URB1: variants seen among roughly 807,000 people sequenced by gnomAD.
URB1 encodes nucleolar pre-ribosomal-associated protein 1.
A neutral mutation model predicts 242.3 loss-of-function variants in URB1; 197 were observed. That is an observed-to-expected ratio of 0.81 (90% CI 0.72 to 0.91). The LOEUF (loss-of-function observed/expected upper bound fraction) is 0.91. Among genes scored for constraint, URB1 ranks in the 40% least tolerant of loss-of-function variants. The pLI, the probability that URB1 is intolerant of heterozygous loss-of-function variation, is 0.00. For missense variants in URB1, 2,721 were observed against 2,860.5 expected (o/e 0.95, Z 1.11); for synonymous variants, 1,153 against 1,201.8 (o/e 0.96, Z 0.84).
Position 32,319,344 on chromosome 21 carries a change from C to G in URB1, c.5665G>C (p.Asp1889His). The G allele has an allele frequency of 6.4e-7, 1 of 1,551,174 alleles. No homozygotes were observed. Among genetic ancestry groups the G allele is most frequent in the Admixed American group, 2.0e-5 (1 of 50,912 alleles). Residue 1889 changes from aspartate (D) to histidine (H), a missense_variant, in exon 36 of 39, where the codon GAC becomes CAC. Coordinates refer to ENST00000382751, the MANE Select transcript of URB1 (RefSeq NM_014825.3). ...TGGCTCTCCCACTCCACTGCCTTGT[C>G]CCCCAGGTTGGTCACCCACAGTGTG... ...LHTLWVTNLG[D>H]KAVEWESQRL...
intron 32 of URB1, among the ~76,000 whole-genome samples, chr21:32,323,683 G>A (rs1446467124): frequency 3.3e-5 from 5 of 152,258 alleles, no homozygotes; most frequent in South Asian, 2.1e-4. Flanking sequence ...GTTAGTGTGC[G>A]TGATCTAGGC....
rs376580758 is a variant in URB1 at position 32,368,257 on chromosome 21, C to T, written c.1197+146G>A. On this transcript the variant is annotated intron_variant, in intron 9 of 38. Transcript: ENST00000382751. Reference sequence around the variant, plus strand: ...TAATTTTTGTATTTTTAGTAAGAGACAGGTTTCGTCACGTTGGCCAGGCTG... The same window carrying T: ...TAATTTTTGTATTTTTAGTAAGAGATAGGTTTCGTCACGTTGGCCAGGCTG... 1,071 of 482,076 alleles carry T rather than the reference C, an allele frequency of 2.2e-3. 12 individuals are homozygous for T. In the African/African-American group the frequency reaches 0.035, roughly 16 times the overall value. 29.9% of individuals were successfully genotyped at this position (482,076 alleles called of 1,614,324 possible). A position where few individuals can be genotyped will look rare whatever the true frequency, so the allele number is the denominator to read the frequency against.
At chr21:32,368,379 C>A in intron 9 of URB1, 24 bp downstream of exon 9, 2 of 1,514,270 alleles carry the variant, frequency 1.3e-6, no homozygotes, top group Non-Finnish European at 1.8e-6. Context: ...AGCTAACAGA[C>A]TTTTAAATAT....
chr21:32,311,872 C>T lies in URB1; in HGVS notation c.*3046G>A. On this transcript the variant is annotated 3_prime_UTR_variant, in exon 39 of 39. Transcript: ENST00000382751. ...CGACAGGAGAGCTCCTCCACCTTGCCCCTCGGGGGTTTCCAGACCCACCCC... is the reference window on the plus strand; with the variant it reads ...CGACAGGAGAGCTCCTCCACCTTGCTCCTCGGGGGTTTCCAGACCCACCCC... The T allele has an allele frequency of 6.2e-7, 1 of 1,614,120 alleles. No individual in the cohort carries two copies. The highest frequency in any genetic ancestry group is 1.7e-5 in the Admixed American group (1 of 60,032).
chr21:32,389,752 C>G (rs769009045), intron 1 of URB1, among the ~76,000 whole-genome samples: 2 of 152,190 alleles, frequency 1.3e-5, no homozygotes, highest in Non-Finnish European at 2.9e-5. Context: ...ACAGTATGGC[C>G]TTTTCTCTAT....
At chr21:32,385,001 GA>G (rs1315049979) in intron 2 of URB1, among the ~76,000 whole-genome samples, 1 of 128,790 alleles carries the variant, frequency 7.8e-6, no homozygotes, top group African/African-American at 3.8e-5. Flanking sequence ...GAAAAGAAAA[GA>G]AAAGAAAAGA....
In URB1 at chr21:32,311,954, C is replaced by A. The variant is rs777725817; in HGVS notation, c.*2964G>T. ...GTCCCCTCGTCAGGAGCAAGCCCAGCGAGCCTCCCCCTGGAGACAGGACCT... is the reference window on the plus strand; with the variant it reads ...GTCCCCTCGTCAGGAGCAAGCCCAGAGAGCCTCCCCCTGGAGACAGGACCT... On this transcript the variant is annotated 3_prime_UTR_variant, in exon 39 of 39. Transcript: ENST00000382751. The A allele has an allele frequency of 1.9e-6, 3 of 1,613,430 alleles. No individual in the cohort carries two copies. The highest frequency in any genetic ancestry group is 4.5e-5 in the East Asian group (2 of 44,896).
At position 32,378,523 on chromosome 21, in the gene URB1, G is replaced by T. The variant is rs1447628032; in HGVS notation, c.586C>A (p.Gln196Lys). 1 of 1,551,652 alleles carries T rather than the reference G, an allele frequency of 6.4e-7. No individual in the cohort carries two copies. The highest frequency in any genetic ancestry group is 2.4e-5 in the East Asian group (1 of 40,920). The change falls in exon 5 of 39, where the codon CAG (glutamine) becomes AAG (lysine). Residue 196 changes from glutamine (Q) to lysine (K), a missense_variant. Coordinates refer to ENST00000382751, the MANE Select transcript of URB1 (RefSeq NM_014825.3). ...RDSKGVYDVRQAYVQFALSFL... is the reference protein window; with the variant it reads ...RDSKGVYDVRKAYVQFALSFL... Reference sequence around the variant, plus strand: ...GAGAGAGCAAACTGAACGTAGGCCTGCCGAACGTCGTACACTCCCTAGAGG... The same window carrying T: ...GAGAGAGCAAACTGAACGTAGGCCTTCCGAACGTCGTACACTCCCTAGAGG...
chr21:32,387,906 A>C (rs1160106278), intron 1 of URB1, among the ~76,000 whole-genome samples: 7 of 152,230 alleles, frequency 4.6e-5, no homozygotes, highest in Admixed American at 3.9e-4. Context: ...CAGAAATGAG[A>C]GTTTCGAGAT....
At chr21:32,371,269 T>C (rs1380283830) in intron 8 of URB1, among the ~76,000 whole-genome samples, 1 of 152,256 alleles carries the variant, frequency 6.6e-6, no homozygotes, top group African/African-American at 2.4e-5. Flanking sequence ...CACTTGTCTT[T>C]TGCCCATGGC....
At position 32,337,356 on chromosome 21, in the gene URB1, C is replaced by A. The variant is rs569983650; in HGVS notation, c.4621+48G>T. 156 of 1,492,814 alleles carry A rather than the reference C, an allele frequency of 1.0e-4. No individual in the cohort carries two copies. Among genetic ancestry groups the A allele is most frequent in the Admixed American group, 2.8e-4 (14 of 50,082 alleles). The allele number at this position is 1,492,814 out of a possible 1,614,324, so 92.5% of individuals were successfully genotyped here. ...TCCCTATCTCTGCTCACACCCCCGGCCCTCACTCCCTCCCCCTGCTCACAC... is the reference window on the plus strand; with the variant it reads ...TCCCTATCTCTGCTCACACCCCCGGACCTCACTCCCTCCCCCTGCTCACAC... On this transcript the variant is annotated intron_variant, in intron 27 of 38. Transcript: ENST00000382751.
intron 30 of URB1, among the ~76,000 whole-genome samples, chr21:32,326,382 G>A (rs931580207): frequency 1.3e-5 from 2 of 152,194 alleles, no homozygotes; most frequent in African/African-American, 4.8e-5. Flanking sequence ...GTCCATTGAT[G>A]ACATTTTTAA....
At chr21:32,345,674 C>T in intron 22 of URB1, 99 bp from the exon 23 acceptor site, 1 of 1,275,068 alleles carries the variant, frequency 7.8e-7, no homozygotes, top group African/African-American at 1.5e-5. Context: ...TTTAGGTATC[C>T]TGTGACCCTG....
chr21:32,383,596 C>A, intron 3 of URB1, 42 bp from the exon 4 acceptor site: 2 of 1,522,856 alleles, frequency 1.3e-6, no homozygotes, highest in Non-Finnish European at 1.8e-6. Flanking sequence ...TCAACAACAG[C>A]AGAAGCACAG....
chr21:32,350,401 A>C (rs1185449523), intron 20 of URB1, among the ~76,000 whole-genome samples: 1 of 152,108 alleles, frequency 6.6e-6, no homozygotes, highest in Non-Finnish European at 1.5e-5. Flanking sequence ...GCGCCACTGC[A>C]CTCCAGACTT....
At chr21:32,333,261 T>G in intron 30 of URB1, 56 bp downstream of exon 30, 1 of 1,398,004 alleles carries the variant, frequency 7.2e-7, no homozygotes, top group Non-Finnish European at 9.9e-7. Context: ...ATAATCAACC[T>G]GACCTCTGAG....
chr21:32,344,279 C>T (rs985147476), intron 24 of URB1, among the ~76,000 whole-genome samples: 5 of 152,166 alleles, frequency 3.3e-5, no homozygotes, highest in African/African-American at 1.2e-4. Context: ...TAATATAATT[C>T]ATCTTATTGG....
At position 32,363,156 on chromosome 21, in the gene URB1, C is replaced by G; in HGVS notation, c.1509G>C (p.Lys503Asn). Residue 503 changes from lysine (K) to asparagine (N), a missense_variant and splice_region_variant, in exon 11 of 39, where the codon AAG becomes AAC. Coordinates refer to ENST00000382751, the MANE Select transcript of URB1 (RefSeq NM_014825.3). ...FVQLFREALS[K>N]ILPDLNTVVW... is the part of the protein sequence containing the mutation. ...AGCCCAAACCCAGATCAGAGCCTAC[C>G]TTGCTCAGGGCTTCTCTGAAGAGCT... 7 of 1,551,250 alleles carry G rather than the reference C, an allele frequency of 4.5e-6. No individual in the cohort carries two copies. The highest frequency in any genetic ancestry group is 6.1e-6 in the Non-Finnish European group (7 of 1,146,854).
intron 12 of URB1, among the ~76,000 whole-genome samples, chr21:32,361,369 G>A (rs10854358): frequency 0.55 from 83,994 of 151,982 alleles, 28,319 homozygotes; most frequent in Non-Finnish European, 0.75. Flanking sequence ...AACTGTTCAG[G>A]GGGTCTGGGT....
Sources: allele counts gnomAD v4.1 joint callset (sites outside exome capture counted in the v4.1 genomes callset), GRCh38; gene constraint gnomAD v4.1.1; transcripts MANE v1.5; gene names NCBI Gene and HGNC (gene_info 2026-07-23, HGNC 2026-07-21).